Variants in EVI5 observed in about 807,000 individuals in gnomAD.
The protein encoded by EVI5 is ecotropic viral integration site 5 protein homolog.
In EVI5, 73 loss-of-function variants were observed where a neutral mutation model predicts 112.0. That is an observed-to-expected ratio of 0.65 (90% confidence interval 0.54 to 0.79). EVI5 has a LOEUF of 0.79. Ranked by LOEUF, EVI5 falls within the 30% of genes least tolerant of loss-of-function variation. EVI5 has a pLI of 0.00. For missense variants in EVI5, 900 were observed against 968.8 expected (o/e 0.93, Z 0.94); for synonymous variants, 305 against 319.9 (o/e 0.95, Z 0.50).
intron 14 of EVI5, among the ~76,000 whole-genome samples, chr1:92,635,449 A>T (rs1479025491): frequency 6.6e-6 from 1 of 152,122 alleles, no homozygotes; most frequent in African/African-American, 2.4e-5. Context: ...GTAATGAGTG[A>T]GGCTCTGTGA....
intron 12 of EVI5, 135 bp from the exon 13 acceptor site, chr1:92,663,000 G>A (rs375106729): frequency 2.8e-5 from 10 of 358,486 alleles, no homozygotes; most frequent in East Asian, 1.2e-4. Flanking sequence ...AACAGCCTAC[G>A]TAATCATTAG....
At chr1:92,779,016 A>G (rs1684526056) in intron 1 of EVI5, among the ~76,000 whole-genome samples, 1 of 152,084 alleles carries the variant, frequency 6.6e-6, no homozygotes, top group South Asian at 2.1e-4. Context: ...GTGCAGCCGA[A>G]GCTGAGAATC....
At chr1:92,715,130 C>G (rs191482704) in intron 2 of EVI5, among the ~76,000 whole-genome samples, 1 of 152,194 alleles carries the variant, frequency 6.6e-6, no homozygotes, top group East Asian at 1.9e-4. Flanking sequence ...CTCAGCCTTC[C>G]AAGTAGCTGG....
At chr1:92,590,269 G>A (rs1027021473) in intron 18 of EVI5, among the ~76,000 whole-genome samples, 7 of 152,168 alleles carry the variant, frequency 4.6e-5, no homozygotes, top group East Asian at 1.9e-4. Flanking sequence ...GACGGAGAAT[G>A]ACTTTGACGA....
intron 16 of EVI5, among the ~76,000 whole-genome samples, chr1:92,619,318 G>A (rs151056543): frequency 9.9e-4 from 151 of 152,130 alleles, no homozygotes; most frequent in African/African-American, 3.4e-3. Context: ...GATGCTTCCT[G>A]TCCTTGAACA....
At chr1:92,706,911 G>A (rs1358937701) in intron 2 of EVI5, among the ~76,000 whole-genome samples, 1 of 152,134 alleles carries the variant, frequency 6.6e-6, no homozygotes, top group East Asian at 1.9e-4. Flanking sequence ...GCCGGGCGTG[G>A]TGGCTCATGC....
chr1:92,537,395 T>A (rs1366336806), intron 19 of EVI5, among the ~76,000 whole-genome samples: 1 of 152,238 alleles, frequency 6.6e-6, no homozygotes, highest in Non-Finnish European at 1.5e-5. Context: ...TATACAATTT[T>A]AAATAACAAT....
intron 18 of EVI5, among the ~76,000 whole-genome samples, chr1:92,568,454 T>C (rs1043679413): frequency 6.6e-6 from 1 of 151,746 alleles, no homozygotes; most frequent in African/African-American, 2.4e-5. Context: ...ATAGCTATTA[T>C]ATATTGAACA....
intron 19 of EVI5, among the ~76,000 whole-genome samples, chr1:92,547,805 TG>T (rs1365201667): frequency 3.3e-5 from 5 of 152,178 alleles, no homozygotes; most frequent in Admixed American, 3.3e-4. Flanking sequence ...AGGAAGAAGT[TG>T]AATCTCTGAA....
At chr1:92,575,901 A>T (rs941886319) in intron 18 of EVI5, among the ~76,000 whole-genome samples, 7 of 151,978 alleles carry the variant, frequency 4.6e-5, no homozygotes, top group Non-Finnish European at 1.0e-4. Context: ...CATATTGTTA[A>T]TTTTTTGGAA....
intron 13 of EVI5, among the ~76,000 whole-genome samples, chr1:92,648,364 C>G (rs1661409541): frequency 6.7e-6 from 1 of 149,946 alleles, no homozygotes; most frequent in Non-Finnish European, 1.5e-5. Context: ...CAGAGCGAGA[C>G]TCAGTCTCAA....
chr1:92,598,429 A>C (rs1348984400), intron 18 of EVI5, among the ~76,000 whole-genome samples: 1 of 152,168 alleles, frequency 6.6e-6, no homozygotes, highest in Non-Finnish European at 1.5e-5. Context: ...AAAAAGTAGT[A>C]ATTGTTATGA....
At chr1:92,696,766 C>T (rs914975662) in intron 6 of EVI5, among the ~76,000 whole-genome samples, 4 of 152,118 alleles carry the variant, frequency 2.6e-5, no homozygotes, top group African/African-American at 9.7e-5. Flanking sequence ...CCAGGCACAG[C>T]GGTGGCTCAC....
intron 14 of EVI5, among the ~76,000 whole-genome samples, chr1:92,634,435 T>C (rs1044309629): frequency 2.6e-5 from 4 of 152,228 alleles, no homozygotes; most frequent in African/African-American, 4.8e-5. Flanking sequence ...CATTTGATAT[T>C]CCATCGCTGA....
chr1:92,648,190 C>CAAAA (rs961901260), intron 13 of EVI5, among the ~76,000 whole-genome samples: 1 of 24,068 alleles, frequency 4.2e-5, no homozygotes, highest in African/African-American at 1.9e-4. Context: ...ACTAAAAATA[C>CAAAA]AAAAAAAAAA....
intron 2 of EVI5, among the ~76,000 whole-genome samples, chr1:92,726,885 T>C (rs1002419969): frequency 3.3e-5 from 5 of 152,096 alleles, no homozygotes; most frequent in African/African-American, 1.2e-4. Flanking sequence ...ATTTATATTA[T>C]AAATCTTAAC....
intron 19 of EVI5, among the ~76,000 whole-genome samples, chr1:92,525,267 C>CTTTT (rs745392747): frequency 0.021 from 2,208 of 104,276 alleles, 252 homozygotes; most frequent in African/African-American, 0.06. Flanking sequence ...ATGACAATGC[C>CTTTT]TTTTTTTTTT....
chr1:92,778,245 A>G (rs1417177030), intron 1 of EVI5, among the ~76,000 whole-genome samples: 1 of 152,130 alleles, frequency 6.6e-6, no homozygotes, highest in Admixed American at 6.6e-5. Context: ...GCTGACAACT[A>G]AGAACAAACC....
At chr1:92,602,818 CA>C (rs1010791618) in intron 18 of EVI5, among the ~76,000 whole-genome samples, 7 of 150,746 alleles carry the variant, frequency 4.6e-5, no homozygotes, top group African/African-American at 1.5e-4. Flanking sequence ...TCAACACCAC[CA>C]AAAAAAACAA....
Sources: allele counts gnomAD v4.1 joint callset (sites outside exome capture counted in the v4.1 genomes callset), GRCh38; gene constraint gnomAD v4.1.1; transcripts MANE v1.5; gene names NCBI Gene and HGNC (gene_info 2026-07-23, HGNC 2026-07-21).